Variants in RIC1 observed in about 807,000 individuals in gnomAD.
The protein encoded by RIC1 is RIC1 partner of RAB6A GEF complex.
In RIC1, 88 loss-of-function variants were observed where a neutral mutation model predicts 169.0. That is an observed-to-expected ratio of 0.52 (90% confidence interval 0.44 to 0.62). The LOEUF (loss-of-function observed/expected upper bound fraction) is 0.62. Among genes scored for constraint, RIC1 ranks in the 20% least tolerant of loss-of-function variants. The probability of loss-of-function intolerance (pLI) is 0.00; values close to 1 mark genes in which losing one functional copy is unlikely to be tolerated. For synonymous variants in RIC1, 790 were observed against 601.5 expected, an observed-to-expected ratio of 1.31 and a Z score of -4.59; for missense variants, 1,877 against 1,725.5, an observed-to-expected ratio of 1.09 and a Z score of -1.56.
chr9:5,657,846 T>C (rs999498168), intron 2 of RIC1, among the ~76,000 whole-genome samples: 7 of 152,110 alleles, frequency 4.6e-5, no homozygotes, highest in Non-Finnish European at 2.9e-5. Flanking sequence ...TCAAAACAAG[T>C]CAAAGAAGAA....
chr9:5,629,846 C>T (rs1268231207), intron 1 of RIC1, among the ~76,000 whole-genome samples: 1 of 152,238 alleles, frequency 6.6e-6, no homozygotes, highest in Non-Finnish European at 1.5e-5. Flanking sequence ...CCCAACCCTC[C>T]CTTACTTTAA....
chr9:5,662,985 C>G (rs543168713), intron 2 of RIC1, among the ~76,000 whole-genome samples: 1 of 152,276 alleles, frequency 6.6e-6, no homozygotes, highest in East Asian at 1.9e-4. Context: ...ATAAATTTCC[C>G]TCAACACTGC....
At chr9:5,691,007 T>G (rs1169130020) in intron 3 of RIC1, among the ~76,000 whole-genome samples, 1 of 151,882 alleles carries the variant, frequency 6.6e-6, no homozygotes, top group Non-Finnish European at 1.5e-5. Flanking sequence ...TTTTTAATAA[T>G]TAAAGAATTA....
At chr9:5,768,870 T>A in intron 21 of RIC1, 100 bp from the exon 22 acceptor site, 4 of 1,274,530 alleles carry the variant, frequency 3.1e-6, no homozygotes, top group Non-Finnish European at 4.3e-6. Flanking sequence ...ATCTTGGATC[T>A]CTTATCTCCT....
chr9:5,692,795 C>G (rs1354634436), intron 3 of RIC1, among the ~76,000 whole-genome samples: 1 of 152,042 alleles, frequency 6.6e-6, no homozygotes, highest in African/African-American at 2.4e-5. Flanking sequence ...ACAGTGGTAT[C>G]TTCATTGTCA....
At chr9:5,643,439 T>C (rs1188879330) in intron 1 of RIC1, among the ~76,000 whole-genome samples, 1 of 152,080 alleles carries the variant, frequency 6.6e-6, no homozygotes, top group East Asian at 1.9e-4. Flanking sequence ...GCCTAGGAGG[T>C]TGAGGCTGCA....
At position 5,772,734 on chromosome 9, in the gene RIC1, C is replaced by G. The variant is rs766299016; in HGVS notation, c.3787C>G (p.Gln1263Glu). The G allele has an allele frequency of 3.4e-5, 54 of 1,605,824 alleles. No individual in the cohort carries two copies. Among genetic ancestry groups the G allele is most frequent in the Non-Finnish European group, 4.1e-5 (48 of 1,176,914 alleles). The change falls in exon 24 of 26, where the codon CAG becomes GAG. Residue 1263 changes from glutamine (Q) to glutamate (E), a missense_variant. Physicochemically the swap from Gln to Glu is conservative, Grantham distance 29. Transcript: ENST00000414202. ...ASKGPHKSQV[Q>E]LRYLLHIFME... is the part of the protein sequence containing the mutation. ...TAAAGGGCCTCATAAATCCCAGGTC[C>G]AGCTTCGGTGAGTTTCTTGGCTATT...
chr9:5,690,290 C>T (rs374001994), intron 3 of RIC1, among the ~76,000 whole-genome samples: 199 of 151,890 alleles, frequency 1.3e-3, no homozygotes, highest in African/African-American at 4.7e-3. Context: ...TAATATATTC[C>T]AGGTCTAGCA....
At chr9:5,762,305 G>A (rs1388684155) in intron 17 of RIC1, among the ~76,000 whole-genome samples, 1 of 152,154 alleles carries the variant, frequency 6.6e-6, no homozygotes, top group Non-Finnish European at 1.5e-5. Context: ...ATTCAACTCT[G>A]CCCTCAATCT....
At position 5,758,902 on chromosome 9, in the gene RIC1, G is replaced by T. The variant is rs1304005272; in HGVS notation, c.1992+1451G>T. On this transcript the variant is annotated intron_variant, in intron 17 of 25. Coordinates refer to ENST00000414202, the MANE Select transcript of RIC1 (RefSeq NM_020829.4). Reference sequence around the variant, plus strand: ...TGGGACTGCAGGTGCACGCCACCACGCCCAGCTAATTTTTGTATATTTAGT... The same window carrying T: ...TGGGACTGCAGGTGCACGCCACCACTCCCAGCTAATTTTTGTATATTTAGT... Among the ~76,000 whole-genome samples the T allele has an allele frequency of 2.0e-5, 3 of 151,718 alleles. No individual in the cohort carries two copies. In the South Asian group the frequency reaches 6.2e-4, roughly 32 times the overall value.
rs752342205 is a variant in RIC1 at position 5,738,522 on chromosome 9, A to G, written c.885A>G (p.Thr295=). Residue 295 remains threonine, a synonymous_variant, in exon 8 of 26, where the codon ACA becomes ACG. Coordinates refer to ENST00000414202, the MANE Select transcript of RIC1 (RefSeq NM_020829.4). ...AMLLSHKLEL[T]AKQYPDIWNK... ...TGCTATCTCATAAATTAGAGCTAAC[A>G]GCAAAACAGTATCCTGGTGAGTCTT... 3.4e-5 allele frequency: 53 copies of G among 1,580,696 alleles called. No individual in the cohort carries two copies. The South Asian group carries it at 5.3e-4, about 16-fold the overall frequency.
intron 2 of RIC1, among the ~76,000 whole-genome samples, chr9:5,682,163 A>T (rs1400105699): frequency 1.3e-5 from 2 of 152,130 alleles, no homozygotes; most frequent in African/African-American, 2.4e-5. Context: ...TTTACATTTA[A>T]GGTTAATATT....
chr9:5,767,321 T>A (rs1399406406), intron 21 of RIC1, among the ~76,000 whole-genome samples: 1 of 152,228 alleles, frequency 6.6e-6, no homozygotes, highest in Non-Finnish European at 1.5e-5. Flanking sequence ...ATAGATGGGA[T>A]ATTGTCTTCT....
chr9:5,750,083 A>G (rs760242709), intron 12 of RIC1, among the ~76,000 whole-genome samples: 1 of 150,046 alleles, frequency 6.7e-6, no homozygotes, highest in Non-Finnish European at 1.5e-5. Context: ...AGCCAAAGCA[A>G]GCACCAGCAA....
At chr9:5,739,068 T>C (rs1382641623) in intron 8 of RIC1, among the ~76,000 whole-genome samples, 1 of 152,150 alleles carries the variant, frequency 6.6e-6, no homozygotes, top group Non-Finnish European at 1.5e-5. Flanking sequence ...TCTTCAAAGA[T>C]GTAGCTGCTG....
intron 3 of RIC1, among the ~76,000 whole-genome samples, chr9:5,702,316 C>A (rs534662945): frequency 6.6e-6 from 1 of 152,146 alleles, no homozygotes; most frequent in South Asian, 2.1e-4. Context: ...AAATAAACAC[C>A]TAAGACTGGG....
chr9:5,640,741 G>A (rs938038408), intron 1 of RIC1, among the ~76,000 whole-genome samples: 3 of 152,142 alleles, frequency 2.0e-5, no homozygotes, highest in African/African-American at 7.2e-5. Context: ...TTTTCTTTCA[G>A]ATTGAACAAC....
intron 2 of RIC1, among the ~76,000 whole-genome samples, chr9:5,678,734 C>G (rs1444595822): frequency 6.6e-6 from 1 of 152,086 alleles, no homozygotes; most frequent in Non-Finnish European, 1.5e-5. Context: ...ATTGTAGATT[C>G]TGGATATTAG....
chr9:5,642,260 T>A (rs1160636233), intron 1 of RIC1, among the ~76,000 whole-genome samples: 2 of 144,750 alleles, frequency 1.4e-5, no homozygotes, highest in African/African-American at 5.6e-5. Context: ...CTGTGCTGAG[T>A]CTCCTGGAAC....
Sources: gnomAD v4.1 joint callset for allele counts (sites outside exome capture counted in the v4.1 genomes callset) on GRCh38, gnomAD v4.1.1 for gene constraint, MANE v1.5 for transcripts, NCBI Gene and HGNC (gene_info 2026-07-23, HGNC 2026-07-21) for gene names.